Variants in AOAH observed in about 807,000 individuals in gnomAD.
AOAH encodes the protein acyloxyacyl hydrolase, also known as acyloxyacyl hydrolase (neutrophil).
A neutral mutation model predicts 92.2 loss-of-function variants in AOAH; 64 were observed. The observed-to-expected ratio is 0.69, with a 90% CI of 0.57 to 0.86. The LOEUF (loss-of-function observed/expected upper bound fraction) is 0.86, where lower values mean the gene tolerates loss of function less well. AOAH is among the 40% of genes least tolerant of loss of function. The pLI, the probability that AOAH is intolerant of heterozygous loss-of-function variation, is 0.00. For synonymous variants in AOAH, 263 were observed against 254.5 expected (o/e 1.03, Z -0.32); for missense variants, 656 against 694.6 (o/e 0.94, Z 0.62).
intron 13 of AOAH, among the ~76,000 whole-genome samples, chr7:36,574,467 T>C (rs1164064024): frequency 6.6e-6 from 1 of 152,212 alleles, no homozygotes; most frequent in East Asian, 1.9e-4. Context: ...TTTTGGATTA[T>C]CTTACTCTGG....
intron 20 of AOAH, among the ~76,000 whole-genome samples, chr7:36,517,925 A>C (rs546902068): frequency 5.5e-4 from 25 of 45,676 alleles, no homozygotes; most frequent in African/African-American, 1.1e-3. Flanking sequence ...GAACACACAC[A>C]CACACCCACA....
At chr7:36,593,700 T>C (rs1194797162) in intron 12 of AOAH, among the ~76,000 whole-genome samples, 1 of 152,234 alleles carries the variant, frequency 6.6e-6, no homozygotes, top group Non-Finnish European at 1.5e-5. Context: ...ATCCAAGTAC[T>C]AACCAGGCCC....
At chr7:36,588,195 T>C (rs982940229) in intron 12 of AOAH, among the ~76,000 whole-genome samples, 2 of 152,266 alleles carry the variant, frequency 1.3e-5, no homozygotes, top group African/African-American at 4.8e-5. Flanking sequence ...ACACAGTGAC[T>C]ACTAATAGAG....
intron 4 of AOAH, among the ~76,000 whole-genome samples, chr7:36,642,985 A>G (rs534584668): frequency 1.3e-5 from 2 of 152,348 alleles, no homozygotes; most frequent in East Asian, 1.9e-4. Context: ...GTGAGGATTG[A>G]CAAAGATTGT....
chr7:36,624,583 C>A (rs1270258556), intron 6 of AOAH, among the ~76,000 whole-genome samples: 1 of 152,196 alleles, frequency 6.6e-6, no homozygotes, highest in South Asian at 2.1e-4. Context: ...AATATACTTA[C>A]CAGGTTCCCT....
intron 12 of AOAH, among the ~76,000 whole-genome samples, chr7:36,579,352 T>A (rs1054305045): frequency 4.1e-5 from 6 of 144,968 alleles, no homozygotes; most frequent in African/African-American, 1.5e-4. Context: ...AGCCAAGCTC[T>A]GCTTGAATTC....
rs185455879 is a variant in AOAH at position 36,550,861 on chromosome 7, A to G, written c.1022-1386T>C. ...GTATGTTCTTCCAGTTCCACGTGGG[A>G]AAAAGGGCAGCGTGTAGCCATGAAG... On this transcript the variant is annotated intron_variant, in intron 13 of 20. Coordinates refer to ENST00000617537, the MANE Select transcript of AOAH (RefSeq NM_001637.4). Among the ~76,000 whole-genome samples, 195 of 152,204 alleles carry G rather than the reference A, an allele frequency of 1.3e-3. 1 individual carries two copies. Among genetic ancestry groups the G allele is most frequent in the African/African-American group, 4.6e-3 (191 of 41,526 alleles).
chr7:36,547,043 C>T (rs985548746), intron 15 of AOAH, among the ~76,000 whole-genome samples: 2 of 152,238 alleles, frequency 1.3e-5, no homozygotes, highest in African/African-American at 2.4e-5. Context: ...AATACCAGAA[C>T]AGGCAAGTTC....
chr7:36,697,322 T>C (rs1562707350), intron 1 of AOAH, among the ~76,000 whole-genome samples: 1 of 152,238 alleles, frequency 6.6e-6, no homozygotes, highest in Non-Finnish European at 1.5e-5. Context: ...GCCTCTATTA[T>C]ACTAATTTGG....
chr7:36,543,718 C>T (rs1362188024), intron 15 of AOAH, among the ~76,000 whole-genome samples: 2 of 152,126 alleles, frequency 1.3e-5, no homozygotes, highest in Non-Finnish European at 2.9e-5. Context: ...AAATATAAGC[C>T]TTGGTGTTGC....
In AOAH at chr7:36,594,428, G is replaced by A; in HGVS notation, c.849C>T (p.Asn283=). ...GGGCTGTTGGTAGATTGATGAAAGA[G>A]TTCTAAGGAAAACAATAAAGTAGCA... ...EWITASQMSL[N]SFINLPTALT... Residue 283 remains asparagine, a splice_region_variant and synonymous_variant, in exon 12 of 21, where the codon AAC becomes AAT. Coordinates refer to ENST00000617537, the MANE Select transcript of AOAH (RefSeq NM_001637.4). 6.2e-7 allele frequency: 1 copy of A among 1,612,310 alleles called. No homozygotes were observed. The highest frequency in any genetic ancestry group is 8.5e-7 in the Non-Finnish European group (1 of 1,178,362).
chr7:36,692,796 G>T (rs1309801600), intron 1 of AOAH, among the ~76,000 whole-genome samples: 1 of 152,128 alleles, frequency 6.6e-6, no homozygotes, highest in Non-Finnish European at 1.5e-5. Flanking sequence ...ACAGACAGGT[G>T]GGGCAAACTG....
At chr7:36,517,968 C>A (rs1055029242) in intron 20 of AOAH, among the ~76,000 whole-genome samples, 12 of 150,022 alleles carry the variant, frequency 8.0e-5, no homozygotes, top group Non-Finnish European at 1.6e-4. Flanking sequence ...CACACACACA[C>A]ACGCACACAC....
intron 1 of AOAH, among the ~76,000 whole-genome samples, chr7:36,703,507 C>T (rs551693830): frequency 1.3e-5 from 2 of 152,274 alleles, no homozygotes; most frequent in South Asian, 4.1e-4. Flanking sequence ...AACCCGTCAT[C>T]TACATTCGGT....
rs186741253 is a variant in AOAH, at chr7:36,519,453, G to A, written c.1599+2586C>T. Among the ~76,000 whole-genome samples the A allele has an allele frequency of 4.1e-3, 627 of 152,188 alleles. 3 individuals carry two copies. The highest frequency in any genetic ancestry group is 6.7e-3 in the Non-Finnish European group (458 of 68,000). On this transcript the variant is annotated intron_variant, in intron 20 of 20. Coordinates refer to ENST00000617537, the MANE Select transcript of AOAH (RefSeq NM_001637.4). ...GAAAACATTTTTGTTTTTTTGAGATGGAGTTTCGCTCTTGTTGCCCAGGCT... is the reference window on the plus strand; with the variant it reads ...GAAAACATTTTTGTTTTTTTGAGATAGAGTTTCGCTCTTGTTGCCCAGGCT...
intron 12 of AOAH, among the ~76,000 whole-genome samples, chr7:36,581,379 T>C (rs1788922657): frequency 6.6e-6 from 1 of 152,144 alleles, no homozygotes; most frequent in Non-Finnish European, 1.5e-5. Context: ...GTCGTTAGAG[T>C]AGGGCTTTTC....
At chr7:36,621,320 C>T (rs568057803) in intron 8 of AOAH, among the ~76,000 whole-genome samples, 6 of 152,388 alleles carry the variant, frequency 3.9e-5, no homozygotes, top group African/African-American at 1.4e-4. Context: ...CTTCTCCTTA[C>T]TCCCGGAGGG....
chr7:36,525,043 A>C (rs1195145515), intron 19 of AOAH, among the ~76,000 whole-genome samples: 1 of 152,230 alleles, frequency 6.6e-6, no homozygotes, highest in Admixed American at 6.5e-5. Flanking sequence ...AGTTGGATGA[A>C]TAAGACATGA....
At chr7:36,714,377 C>T (rs1340503555) in intron 1 of AOAH, among the ~76,000 whole-genome samples, 2 of 152,190 alleles carry the variant, frequency 1.3e-5, no homozygotes, top group African/African-American at 2.4e-5. Flanking sequence ...GATGGATTCA[C>T]AGCCGAATTC....
Sources: allele counts gnomAD v4.1 joint callset (sites outside exome capture counted in the v4.1 genomes callset), GRCh38; gene constraint gnomAD v4.1.1; transcripts MANE v1.5; gene names NCBI Gene and HGNC (gene_info 2026-07-23, HGNC 2026-07-21).